The following PATJ variants were observed in gnomAD, a reference collection of about 807,000 sequenced individuals.
The protein encoded by PATJ is PATJ crumbs cell polarity complex component.
In PATJ, 190 loss-of-function variants were observed where a neutral mutation model predicts 224.9. That is an observed-to-expected ratio of 0.84 (90% CI 0.75 to 0.95). PATJ has a LOEUF of 0.95. Ranked by LOEUF, PATJ falls within the 40% of genes least tolerant of loss-of-function variation. The pLI is 0.00. For synonymous variants in PATJ, 769 were observed against 820.3 expected (o/e 0.94, Z 1.07); for missense variants, 2,121 against 2,270.3 (o/e 0.93, Z 1.34).
At chr1:61,812,234 T>G (rs1240103808) in intron 14 of PATJ, among the ~76,000 whole-genome samples, 1 of 152,114 alleles carries the variant, frequency 6.6e-6, no homozygotes, top group African/African-American at 2.4e-5. Flanking sequence ...ATATCTCTTG[T>G]TATGCCAAAA....
At chr1:61,810,726 A>C in intron 14 of PATJ, among the ~76,000 whole-genome samples, 1 of 151,342 alleles carries the variant, frequency 6.6e-6, no homozygotes, top group African/African-American at 2.4e-5. Context: ...AAATAAATAA[A>C]TAAATAAATA....
chr1:62,092,876 G>A (rs1242561691), intron 33 of PATJ, among the ~76,000 whole-genome samples: 3 of 151,810 alleles, frequency 2.0e-5, no homozygotes, highest in Non-Finnish European at 4.4e-5. Context: ...TGAGTAGCTG[G>A]GACTACAGGC....
At chr1:61,856,625 G>C (rs963330164) in intron 18 of PATJ, among the ~76,000 whole-genome samples, 2 of 152,132 alleles carry the variant, frequency 1.3e-5, no homozygotes, top group Non-Finnish European at 2.9e-5. Flanking sequence ...GTCTCTCTCT[G>C]TCATCCAGGC....
At chr1:62,141,562 C>G (rs1667498067) in intron 41 of PATJ, among the ~76,000 whole-genome samples, 1 of 152,018 alleles carries the variant, frequency 6.6e-6, no homozygotes, top group Admixed American at 6.6e-5. Flanking sequence ...GTAATCCCAG[C>G]TACTCGGGAG....
chr1:61,985,171 G>A (rs1364386215), intron 27 of PATJ, among the ~76,000 whole-genome samples: 1 of 152,046 alleles, frequency 6.6e-6, no homozygotes, highest in Non-Finnish European at 1.5e-5. Context: ...AGTTAGCTGG[G>A]CGCGGTGGCG....
intron 6 of PATJ, among the ~76,000 whole-genome samples, chr1:61,771,933 G>T (rs1462320543): frequency 6.6e-6 from 1 of 151,958 alleles, no homozygotes; most frequent in African/African-American, 2.4e-5. Flanking sequence ...TTTTGGCCAG[G>T]CTGGTCTCGA....
rs536211190 is a variant in PATJ at position 62,012,988 on chromosome 1, G to A, written c.3868-4868G>A. Among the ~76,000 whole-genome samples, 7 of 152,232 alleles carry A rather than the reference G, an allele frequency of 4.6e-5. No individual in the cohort carries two copies. The East Asian group carries it at 7.7e-4, about 17-fold the overall frequency. On this transcript the variant is annotated intron_variant, in intron 28 of 43. Transcript: ENST00000642238. The stretch of plus-strand genomic sequence containing the variant: ...ATAGCAGAGTTTCTCCAGAGGCCTC[G>A]GCATGTTGCCGGGAGCAGCTGCCTT...
intron 30 of PATJ, among the ~76,000 whole-genome samples, chr1:62,044,742 C>A (rs972646385): frequency 6.6e-6 from 1 of 152,066 alleles, no homozygotes; most frequent in Non-Finnish European, 1.5e-5. Context: ...TTTAATTTTG[C>A]CTTGCCTTTC....
rs34267345 is a variant in PATJ, at chr1:61,965,121, C to CAAAAAAAAAAAAAAAA, written c.3671-25022_3671-25007dup. Among the ~76,000 whole-genome samples the CAAAAAAAAAAAAAAAA allele has an allele frequency of 5.9e-4, 32 of 54,382 alleles. 5 individuals carry two copies. Among genetic ancestry groups the CAAAAAAAAAAAAAAAA allele is most frequent in the East Asian group, 4.2e-3 (2 of 478 alleles). The allele number at this position is 54,382 out of a possible 152,430, so 35.7% of individuals were successfully genotyped here. ...TGGGCCACTGAAGGAGACTCTGTCT[C>CAAAAAAAAAAAAAAAA]AAAAAAAAAAAAAAAAAAAAAAAAA... On this transcript the variant is annotated intron_variant, in intron 27 of 43. Coordinates refer to ENST00000642238, the MANE Select transcript of PATJ (RefSeq NM_001350145.3).
intron 21 of PATJ, among the ~76,000 whole-genome samples, chr1:61,879,861 T>C (rs7548755): frequency 0.98 from 148,675 of 150,962 alleles, 73,250 homozygotes; most frequent in South Asian, 1. Flanking sequence ...TCTTTTTAGA[T>C]AGAGTCTCAC....
chr1:61,843,623 C>A (rs2148847504), intron 17 of PATJ, among the ~76,000 whole-genome samples: 1 of 151,516 alleles, frequency 6.6e-6, no homozygotes. Flanking sequence ...GTAGTCCCAG[C>A]TACTCGGGAG....
intron 21 of PATJ, among the ~76,000 whole-genome samples, chr1:61,875,769 T>A (rs1667255708): frequency 6.6e-6 from 1 of 152,186 alleles, no homozygotes; most frequent in Non-Finnish European, 1.5e-5. Flanking sequence ...ATTTTAAACA[T>A]TTATGAAACA....
intron 1 of PATJ, among the ~76,000 whole-genome samples, chr1:61,744,551 T>G (rs1183017814): frequency 7.3e-6 from 1 of 137,736 alleles, no homozygotes; most frequent in Non-Finnish European, 1.6e-5. Context: ...TGGATAGAAC[T>G]TATAAAATGA....
intron 30 of PATJ, among the ~76,000 whole-genome samples, chr1:62,049,736 A>G (rs1380869135): frequency 6.6e-6 from 1 of 152,250 alleles, no homozygotes; most frequent in Non-Finnish European, 1.5e-5. Flanking sequence ...ATGTAAATAC[A>G]TATTTTCAGG....
intron 26 of PATJ, among the ~76,000 whole-genome samples, chr1:61,923,568 C>G (rs1004089751): frequency 2.0e-5 from 3 of 151,922 alleles, no homozygotes; most frequent in African/African-American, 4.8e-5. Context: ...ACAAATCACC[C>G]GAAACTCATT....
chr1:62,101,295 G>T (rs61777691), intron 33 of PATJ, among the ~76,000 whole-genome samples: 1 of 134,116 alleles, frequency 7.5e-6, no homozygotes, highest in African/African-American at 2.8e-5. Context: ...ACAGAGTCTC[G>T]CTCTGTCACC....
At chr1:61,866,195 T>C (rs767680160) in intron 20 of PATJ, among the ~76,000 whole-genome samples, 3 of 152,234 alleles carry the variant, frequency 2.0e-5, no homozygotes, top group Non-Finnish European at 2.9e-5. Flanking sequence ...ATTGGAAAGA[T>C]TACTGAATAT....
At chr1:61,950,615 C>T (rs1679502556) in intron 27 of PATJ, among the ~76,000 whole-genome samples, 1 of 152,118 alleles carries the variant, frequency 6.6e-6, no homozygotes, top group Non-Finnish European at 1.5e-5. Context: ...CAATTATTAC[C>T]AAGCATTTAA....
chr1:61,780,274 G>C (rs1380818011), intron 7 of PATJ, among the ~76,000 whole-genome samples: 4 of 152,048 alleles, frequency 2.6e-5, no homozygotes, highest in Non-Finnish European at 4.4e-5. Flanking sequence ...GACCAGCCTG[G>C]CCAACATGGT....
Sources: allele counts gnomAD v4.1 joint callset (sites outside exome capture counted in the v4.1 genomes callset), GRCh38; gene constraint gnomAD v4.1.1; transcripts MANE v1.5; gene names NCBI Gene and HGNC (gene_info 2026-07-23, HGNC 2026-07-21).